The following OSBPL1A variants were observed in gnomAD, a reference collection of about 807,000 sequenced individuals.
The protein encoded by OSBPL1A is oxysterol binding protein like 1A, also known as oxysterol-binding protein-related protein 1.
A neutral mutation model predicts 137.1 loss-of-function variants in OSBPL1A; 80 were observed. The observed-to-expected ratio is 0.58, with a 90% CI of 0.49 to 0.70. The LOEUF (loss-of-function observed/expected upper bound fraction) is 0.70, where lower values mean the gene tolerates loss of function less well. Among genes scored for constraint, OSBPL1A ranks in the 30% least tolerant of loss-of-function variants. OSBPL1A has a pLI of 0.00. For missense variants in OSBPL1A, 970 were observed against 1,129.4 expected, an observed-to-expected ratio of 0.86 and a Z score of 2.02; for synonymous variants, 365 against 389.7, an observed-to-expected ratio of 0.94 and a Z score of 0.75.
intron 15 of OSBPL1A, among the ~76,000 whole-genome samples, chr18:24,255,993 C>T (rs1441519985): frequency 6.6e-6 from 1 of 152,022 alleles, no homozygotes; most frequent in African/African-American, 2.4e-5. Context: ...CGGGGTTTTG[C>T]CATGTTGGCC....
At chr18:24,338,848 G>C (rs187838645) in intron 5 of OSBPL1A, among the ~76,000 whole-genome samples, 75 of 152,156 alleles carry the variant, frequency 4.9e-4, no homozygotes, top group Middle Eastern at 6.8e-3. Flanking sequence ...TGAGTAGCTG[G>C]GACTACAACT....
intron 4 of OSBPL1A, among the ~76,000 whole-genome samples, chr18:24,354,033 G>A (rs1388327660): frequency 3.3e-5 from 5 of 151,712 alleles, no homozygotes; most frequent in East Asian, 1.9e-4. Flanking sequence ...AAACCTGCAT[G>A]TTGTGCACAT....
rs530609979 is a variant in OSBPL1A, at chr18:24,225,002, G to A, written c.1601+40C>T. The A allele has an allele frequency of 5.2e-5, 83 of 1,609,932 alleles. 1 individual carries two copies. In the South Asian group the frequency reaches 5.9e-4, roughly 12 times the overall value. On this transcript the variant is annotated intron_variant, in intron 17 of 27. Transcript: ENST00000319481. ...TTTATGAATCCAAATGTACTTTATC[G>A]TAAAAACGCAGCAGTGACAACTGTC...
chr18:24,365,556 C>G (rs1229802309), intron 4 of OSBPL1A, among the ~76,000 whole-genome samples: 1 of 151,232 alleles, frequency 6.6e-6, no homozygotes, highest in Non-Finnish European at 1.5e-5. Flanking sequence ...TGCACTCCAA[C>G]CTGGGCGACA....
At chr18:24,232,500 A>C (rs916392871) in intron 16 of OSBPL1A, among the ~76,000 whole-genome samples, 1 of 152,220 alleles carries the variant, frequency 6.6e-6, no homozygotes, top group African/African-American at 2.4e-5. Context: ...TACAATTTGT[A>C]ACATCTGCAC....
At chr18:24,239,191 C>A in intron 16 of OSBPL1A, 29 bp downstream of exon 16, 1 of 1,606,986 alleles carries the variant, frequency 6.2e-7, no homozygotes. Flanking sequence ...AAATCACCAA[C>A]AATGCAGAGG....
At chr18:24,182,828 A>C (rs1333684452) in intron 18 of OSBPL1A, among the ~76,000 whole-genome samples, 4 of 152,204 alleles carry the variant, frequency 2.6e-5, no homozygotes. Context: ...GTGACTGCTA[A>C]GGCTTGTCTT....
intron 1 of OSBPL1A, among the ~76,000 whole-genome samples, chr18:24,383,934 G>A (rs148397602): frequency 1.3e-4 from 20 of 152,300 alleles, no homozygotes; most frequent in Non-Finnish European, 1.6e-4. Context: ...GGATAAGATG[G>A]TCCCTGCCCT....
At chr18:24,365,037 A>C (rs1354048703) in intron 4 of OSBPL1A, among the ~76,000 whole-genome samples, 23 of 151,660 alleles carry the variant, frequency 1.5e-4, no homozygotes, top group Admixed American at 3.3e-4. Context: ...AAAAAAAAAA[A>C]AAAAAAAAAA....
Position 24,316,928 on chromosome 18 carries a change from A to C in OSBPL1A, c.870+221T>G, listed in dbSNP as rs79941511. On this transcript the variant is annotated intron_variant, in intron 11 of 27. Transcript: ENST00000319481. ...TGGACAATCCATCTCTCATTCCATA[A>C]TAATACATGGAGATAAATAAAAGTT... 7.6e-3 allele frequency among the ~76,000 whole-genome samples: 1,164 copies of C among 152,344 alleles called. 16 individuals carry two copies. The highest frequency in any genetic ancestry group is 0.027 in the African/African-American group (1,124 of 41,574).
At chr18:24,344,497 T>C (rs1489972460) in intron 4 of OSBPL1A, among the ~76,000 whole-genome samples, 1 of 152,058 alleles carries the variant, frequency 6.6e-6, no homozygotes, top group Non-Finnish European at 1.5e-5. Flanking sequence ...TTAAACACGA[T>C]GGGTATGTTC....
intron 4 of OSBPL1A, among the ~76,000 whole-genome samples, chr18:24,360,067 A>T (rs530057384): frequency 6.6e-6 from 1 of 152,322 alleles, no homozygotes; most frequent in South Asian, 2.1e-4. Context: ...TCCCAGGTTC[A>T]AGTGATTCTC....
At chr18:24,211,309 C>A (rs1322127846) in intron 17 of OSBPL1A, among the ~76,000 whole-genome samples, 3 of 152,076 alleles carry the variant, frequency 2.0e-5, no homozygotes, top group African/African-American at 7.2e-5. Context: ...TTTTCCAAAA[C>A]AAAAACAGTT....
intron 18 of OSBPL1A, among the ~76,000 whole-genome samples, chr18:24,184,393 T>C (rs921081766): frequency 2.2e-4 from 33 of 152,296 alleles, no homozygotes; most frequent in African/African-American, 7.0e-4. Flanking sequence ...ACACCTACTA[T>C]GTGCCAGGTA....
At chr18:24,359,257 A>G (rs1406240617) in intron 4 of OSBPL1A, among the ~76,000 whole-genome samples, 2 of 149,174 alleles carry the variant, frequency 1.3e-5, no homozygotes, top group African/African-American at 4.9e-5. Context: ...AGAGAGAGAT[A>G]TGGTGGGGGG....
chr18:24,246,199 C>T (rs1038795706), intron 15 of OSBPL1A, among the ~76,000 whole-genome samples: 5 of 151,450 alleles, frequency 3.3e-5, no homozygotes, highest in Non-Finnish European at 5.9e-5. Context: ...GCAACAAGAG[C>T]GAAACCCCGT....
chr18:24,286,284 A>G (rs553017399), intron 14 of OSBPL1A, among the ~76,000 whole-genome samples: 56 of 152,348 alleles, frequency 3.7e-4, no homozygotes, highest in Non-Finnish European at 6.6e-4. Context: ...TAACCTTCTA[A>G]AAACTACTCC....
intron 1 of OSBPL1A, among the ~76,000 whole-genome samples, chr18:24,379,619 T>G (rs984745153): frequency 1.3e-5 from 2 of 151,526 alleles, no homozygotes. Context: ...AAATAAAGAA[T>G]TTATTTGGCA....
intron 21 of OSBPL1A, among the ~76,000 whole-genome samples, chr18:24,177,197 G>C (rs1249517142): frequency 6.6e-6 from 1 of 152,190 alleles, no homozygotes; most frequent in Non-Finnish European, 1.5e-5. Flanking sequence ...ACAGACCCTA[G>C]TGCTTGCTTT....
Sources: allele counts gnomAD v4.1 joint callset (sites outside exome capture counted in the v4.1 genomes callset), GRCh38; gene constraint gnomAD v4.1.1; transcripts MANE v1.5; gene names NCBI Gene and HGNC (gene_info 2026-07-23, HGNC 2026-07-21).